Variants in EDRF1 observed in about 807,000 individuals in gnomAD.
The protein encoded by EDRF1 is erythroid differentiation regulatory factor 1.
In EDRF1, 69 loss-of-function variants were observed where a neutral mutation model predicts 148.7. The observed-to-expected ratio is 0.46, with a 90% CI of 0.38 to 0.57. The LOEUF (loss-of-function observed/expected upper bound fraction) is 0.57. EDRF1 is among the 20% of genes least tolerant of loss of function. The pLI is 0.00. For synonymous variants in EDRF1, 515 were observed against 532.8 expected, an observed-to-expected ratio of 0.97 and a Z score of 0.46; for missense variants, 1,118 against 1,478.7, an observed-to-expected ratio of 0.76 and a Z score of 4.00.
intron 21 of EDRF1, 192 bp from the exon 22 acceptor site, chr10:125,749,220 C>T: frequency 1.7e-6 from 1 of 605,578 alleles, no homozygotes; most frequent in Admixed American, 2.8e-5. Flanking sequence ...GCATCTCCAG[C>T]CTGGGCGACA....
At chr10:125,753,889 T>G in intron 24 of EDRF1, 44 bp downstream of exon 24, 1 of 1,604,006 alleles carries the variant, frequency 6.2e-7, no homozygotes, top group Non-Finnish European at 8.5e-7. Context: ...CCTAGCACCC[T>G]ACCTATAAAA....
intron 24 of EDRF1, among the ~76,000 whole-genome samples, chr10:125,755,414 A>T (rs76741764): frequency 0.04 from 6,042 of 152,170 alleles, 360 homozygotes; most frequent in African/African-American, 0.14. Context: ...TTTTGTTGAT[A>T]ATTTTTGTGT....
chr10:125,726,165 A>G (rs1235370456), intron 6 of EDRF1, among the ~76,000 whole-genome samples: 2 of 152,098 alleles, frequency 1.3e-5, no homozygotes, highest in South Asian at 2.1e-4. Flanking sequence ...TTAATTATAA[A>G]TACTAGTCAT....
intron 1 of EDRF1, among the ~76,000 whole-genome samples, chr10:125,720,413 A>G (rs941359392): frequency 6.6e-6 from 1 of 152,236 alleles, no homozygotes; most frequent in Non-Finnish European, 1.5e-5. Context: ...TGAACCATGC[A>G]TGCATGCATG....
At position 125,739,028 on chromosome 10, in the gene EDRF1, C is replaced by T. The variant is rs541318781; in HGVS notation, c.1981+583C>T. Among the ~76,000 whole-genome samples the T allele has an allele frequency of 5.4e-4, 82 of 151,790 alleles. 2 individuals carry two copies. Among genetic ancestry groups the T allele is most frequent in the Admixed American group, 5.9e-4 (9 of 15,236 alleles). The stretch of plus-strand genomic sequence containing the variant: ...AACATCATGAAGAATATATGGACTT[C>T]GAAGCAGAAGTTGTGAATTTCTTAT... On this transcript the variant is annotated intron_variant, in intron 15 of 24. Coordinates refer to ENST00000356792, the MANE Select transcript of EDRF1 (RefSeq NM_001202438.2).
At chr10:125,730,811 G>A (rs1282857345) in intron 9 of EDRF1, among the ~76,000 whole-genome samples, 1 of 152,140 alleles carries the variant, frequency 6.6e-6, no homozygotes, top group Non-Finnish European at 1.5e-5. Flanking sequence ...AATTCTTATT[G>A]AGCATATTCT....
chr10:125,728,960 A>T, intron 6 of EDRF1, 43 bp from the exon 7 acceptor site: 1 of 1,460,816 alleles, frequency 6.8e-7, no homozygotes, highest in South Asian at 1.3e-5. Context: ...ATTTTAAGAA[A>T]TGTTGACAGC....
At position 125,725,650 on chromosome 10, in the gene EDRF1, C is replaced by T. The variant is rs367628170; in HGVS notation, c.636-32C>T. The T allele has an allele frequency of 2.0e-4, 322 of 1,613,564 alleles. 3 individuals are homozygous for T. The Admixed American group carries it at 5.0e-3, about 25-fold the overall frequency. Reference sequence around the variant, plus strand: ...TGTTGCATGAAGTTAACTTTAGTAACAGCAATCCTTTTTTATTTCTGGTTT... The same window carrying T: ...TGTTGCATGAAGTTAACTTTAGTAATAGCAATCCTTTTTTATTTCTGGTTT... On this transcript the variant is annotated intron_variant, in intron 5 of 24. Coordinates refer to ENST00000356792, the MANE Select transcript of EDRF1 (RefSeq NM_001202438.2).
At position 125,745,928 on chromosome 10, in the gene EDRF1, A is replaced by C; in HGVS notation, c.2812A>C (p.Lys938Gln). ...FSPEEGLYYN[K>Q]AIDYYLKALR... is the part of the protein sequence containing the mutation. ...ACCAGAAGAAGGCTTGTATTATAAT[A>C]AGGTAACACATTCGCGTACATGTTG... The change falls in exon 19 of 25, where the codon AAG becomes CAG. Residue 938 changes from lysine (K) to glutamine (Q), a missense_variant and splice_region_variant. By Grantham distance (53) the Lys-to-Gln change is moderately conservative. Transcript: ENST00000356792. 6.2e-7 allele frequency: 1 copy of C among 1,614,026 alleles called. No homozygotes were observed. Among genetic ancestry groups the C allele is most frequent in the Non-Finnish European group, 8.5e-7 (1 of 1,179,942 alleles).
chr10:125,725,326 C>T lies in EDRF1; in HGVS notation c.519C>T (p.Asp173=). 6.2e-7 allele frequency: 1 copy of T among 1,613,924 alleles called. No homozygotes were observed. The change falls in exon 5 of 25, where the codon GAC becomes GAT. Residue 173 remains aspartate (D), a synonymous_variant. Coordinates refer to ENST00000356792, the MANE Select transcript of EDRF1 (RefSeq NM_001202438.2). ...TATCTCATGTTATCCAGACTGGTGACTGGACATGGTTGAAAGAGTTTTATC... is the reference window on the plus strand; with the variant it reads ...TATCTCATGTTATCCAGACTGGTGATTGGACATGGTTGAAAGAGTTTTATC... ...ELFMRSSQTG[D]WTWLKEFYQR...
chr10:125,746,020 A>C, intron 19 of EDRF1, 90 bp downstream of exon 19: 1 of 1,176,346 alleles, frequency 8.5e-7, no homozygotes, highest in Non-Finnish European at 1.3e-6. Flanking sequence ...CTATAAAACT[A>C]AAAATAATTA....
intron 12 of EDRF1, among the ~76,000 whole-genome samples, chr10:125,735,305 A>G (rs1027451939): frequency 2.6e-5 from 4 of 152,076 alleles, no homozygotes; most frequent in African/African-American, 7.2e-5. Context: ...CTCACTTGGC[A>G]TAGGGTGGTA....
Position 125,719,737 on chromosome 10 carries a change from C to A in EDRF1, c.-71C>A. The A allele has an allele frequency of 7.8e-7, 1 of 1,276,998 alleles. No homozygotes were observed. The highest frequency in any genetic ancestry group is 1.1e-6 in the Non-Finnish European group (1 of 916,282). The allele number at this position is 1,276,998 out of a possible 1,614,324, so 79.1% of individuals were successfully genotyped here. A position where few individuals can be genotyped will look rare whatever the true frequency, so the allele number is the denominator to read the frequency against. On this transcript the variant is annotated 5_prime_UTR_variant, in exon 1 of 25. It adds an upstream start codon to the 5' untranslated region. Transcript: ENST00000356792. ...CCGCGGAGCGTCTCTGGCGCTTACCCTGCTTTGGGCCTGCGTTGCTGCTGC... is the reference window on the plus strand; with the variant it reads ...CCGCGGAGCGTCTCTGGCGCTTACCATGCTTTGGGCCTGCGTTGCTGCTGC...
chr10:125,723,005 A>T, intron 2 of EDRF1, 63 bp from the exon 3 acceptor site: 1 of 1,274,912 alleles, frequency 7.8e-7, no homozygotes, highest in Non-Finnish European at 1.1e-6. Flanking sequence ...TATTGTTATT[A>T]AGCTCTACTT....
At chr10:125,751,775 A>G (rs1389983104) in intron 22 of EDRF1, 1 of 152,228 alleles carries the variant, frequency 6.6e-6, no homozygotes, top group Non-Finnish European at 1.5e-5. Flanking sequence ...TGTTCTGCTT[A>G]CAGCCACAAT....
chr10:125,729,169 G>T (rs1848390953), intron 7 of EDRF1, 65 bp downstream of exon 7: 2 of 1,499,098 alleles, frequency 1.3e-6, no homozygotes, highest in Non-Finnish European at 1.8e-6. Flanking sequence ...TTCAAAACTA[G>T]CCTAAGTCGA....
rs539255368 is a variant in EDRF1, at chr10:125,726,954, C to T, written c.792+1116C>T. ...ATTACTGTGAAAACTCTTGGAGAGT[C>T]GGGAATCTGTAGACTTGCGTGTTGA... is the stretch of plus-strand genomic sequence containing the variant. On this transcript the variant is annotated intron_variant, in intron 6 of 24. Transcript: ENST00000356792. 7.4e-4 allele frequency among the ~76,000 whole-genome samples: 112 copies of T among 152,224 alleles called. 1 individual carries two copies. The highest frequency in any genetic ancestry group is 1.3e-3 in the Admixed American group (20 of 15,286).
chr10:125,743,765 T>G (rs938901652), intron 18 of EDRF1, among the ~76,000 whole-genome samples: 3 of 151,976 alleles, frequency 2.0e-5, no homozygotes. Context: ...CCGGCAAATG[T>G]GAGGAAAGGA....
chr10:125,738,135 T>G (rs1229626628), intron 14 of EDRF1, 146 bp downstream of exon 14: 1 of 1,371,674 alleles, frequency 7.3e-7, no homozygotes, highest in Non-Finnish European at 1.0e-6. Flanking sequence ...AAATCAGATT[T>G]GTTTTTCCCA....
Sources: gnomAD v4.1 joint callset for allele counts (sites outside exome capture counted in the v4.1 genomes callset) on GRCh38, gnomAD v4.1.1 for gene constraint, MANE v1.5 for transcripts, NCBI Gene and HGNC (gene_info 2026-07-23, HGNC 2026-07-21) for gene names.